ARHGAP4: variants seen among roughly 807,000 people sequenced by gnomAD.
ARHGAP4 encodes the protein Rho GTPase activating protein 4, also known as rho GTPase-activating protein 4.
In ARHGAP4, 25 loss-of-function variants were observed where a neutral mutation model predicts 67.6. That is an observed-to-expected ratio of 0.37 (90% CI 0.27 to 0.52). ARHGAP4 has a LOEUF of 0.52. Among genes scored for constraint, ARHGAP4 ranks in the 20% least tolerant of loss-of-function variants. The pLI, the probability that ARHGAP4 is intolerant of heterozygous loss-of-function variation, is 0.92. For missense variants in ARHGAP4, 804 were observed against 854.6 expected (o/e 0.94, Z 0.74); for synonymous variants, 448 against 373.7 (o/e 1.20, Z -2.29).
Position 153,910,732 on chromosome X carries a change from G to A in ARHGAP4, c.1784C>T (p.Pro595Leu), listed in dbSNP as rs368873746. Residue 595 changes from proline to leucine, a missense_variant, in exon 15 of 22, where the codon CCA becomes CTA. By Grantham distance (98) the Pro-to-Leu change is moderately conservative. Coordinates refer to ENST00000350060, the MANE Select transcript of ARHGAP4 (RefSeq NM_001666.5). ...AGCCAGCAGCTCGCCGAACAGGTCT[G>A]GGGGGAAGAGTGGGGGCTCCAGGCT... ...FRSLEPPLFPPDLFGELLASS... is the reference protein window; with the variant it reads ...FRSLEPPLFPLDLFGELLASS... 1.5e-5 allele frequency: 18 copies of A among 1,192,437 alleles called. No homozygotes were observed. The East Asian group carries it at 2.4e-4, about 16-fold the overall frequency.
Position 153,909,157 on chromosome X carries a change from G to A in ARHGAP4, c.2520C>T (p.Cys840=), listed in dbSNP as rs782124817. The A allele has an allele frequency of 4.1e-5, 50 of 1,207,003 alleles. 2 individuals are homozygous for A. In the Middle Eastern group the frequency reaches 6.9e-4, roughly 17 times the overall value. ...AGGGTCCCATGGCCTCAGGTGAGGTGCATGGCTCTGGCCTGCAGGACAGAC... is the reference window on the plus strand; with the variant it reads ...AGGGTCCCATGGCCTCAGGTGAGGTACATGGCTCTGGCCTGCAGGACAGAC... The part of the protein sequence containing the change: ...ASELVHRPEP[C]TSPEAMGPSG... The change falls in exon 21 of 22, where the codon TGC becomes TGT. Residue 840 remains cysteine (C), a synonymous_variant. Coordinates refer to ENST00000350060, the MANE Select transcript of ARHGAP4 (RefSeq NM_001666.5).
Position 153,910,411 on chromosome X carries a change from G to A in ARHGAP4, c.1923-7C>T, listed in dbSNP as rs782552018. The stretch of plus-strand genomic sequence containing the variant: ...ATCGCTGTACTGGGCCAGGCTGGGG[G>A]GACACGCACATCACAAGCAGAGAGC... On this transcript the variant is annotated splice_region_variant and splice_polypyrimidine_tract_variant and intron_variant, in intron 16 of 21. Coordinates refer to ENST00000350060, the MANE Select transcript of ARHGAP4 (RefSeq NM_001666.5). 1.8e-5 allele frequency: 21 copies of A among 1,190,820 alleles called. No homozygotes were observed. The highest frequency in any genetic ancestry group is 5.5e-5 in the South Asian group (3 of 54,436).
rs782117761 is a variant in ARHGAP4 at position 153,909,752 on chromosome X, C to T, written c.2403G>A (p.Thr801=). 7.6e-6 allele frequency: 9 copies of T among 1,191,280 alleles called. No individual in the cohort carries two copies. The highest frequency in any genetic ancestry group is 7.4e-5 in the South Asian group (4 of 53,830). The change falls in exon 19 of 22, where the codon ACG becomes ACA. Residue 801 remains threonine, a synonymous_variant. Coordinates refer to ENST00000350060, the MANE Select transcript of ARHGAP4 (RefSeq NM_001666.5). ...MRGLIPHKYI[T]LPAGTEKQVV... ...CGCGGCTCACTCACCCGGCGGGCAGCGTGATATACTTGTGGGGGATGAGGC... is the reference window on the plus strand; with the variant it reads ...CGCGGCTCACTCACCCGGCGGGCAGTGTGATATACTTGTGGGGGATGAGGC...
chrX:153,921,206 C>A, intron 3 of ARHGAP4, 47 bp from the exon 4 acceptor site: 1 of 1,182,566 alleles, frequency 8.5e-7, no homozygotes, highest in Admixed American at 2.3e-5. Context: ...AGAGCGGCCC[C>A]GCCAGGCACT....
intron 1 of ARHGAP4, chrX:153,922,059 G>T: frequency 1.0e-6 from 1 of 996,521 alleles, no homozygotes; most frequent in Non-Finnish European, 1.3e-6. Context: ...GAGCCACCCG[G>T]TTGAGGGGGA....
chrX:153,919,042 T>A lies in ARHGAP4; in HGVS notation c.822A>T (p.Thr274=). The change falls in exon 7 of 22, where the codon ACA becomes ACT. Residue 274 remains threonine (T), a synonymous_variant. Transcript: ENST00000350060. ...DVLDLMDCCD[T]GFHLALGQVL... Reference sequence around the variant, plus strand: ...CCTGCCCCAGGGCCAGGTGGAACCCTGTGTCACAGCACTGAGGAGGAAACA... The same window carrying A: ...CCTGCCCCAGGGCCAGGTGGAACCCAGTGTCACAGCACTGAGGAGGAAACA... 2.5e-6 allele frequency: 3 copies of A among 1,211,354 alleles called. No homozygotes were observed. The highest frequency in any genetic ancestry group is 3.4e-6 in the Non-Finnish European group (3 of 895,240).
chrX:153,920,378 C>T, intron 5 of ARHGAP4: 1 of 394,831 alleles, frequency 2.5e-6, no homozygotes, highest in Non-Finnish European at 4.4e-6. Context: ...GCTGGCAGAA[C>T]AGCAGAGCTG....
Position 153,907,773 on chromosome X carries a change from C to G in ARHGAP4, c.2797G>C (p.Ala933Pro). The G allele has an allele frequency of 4.0e-6, 4 of 1,011,363 alleles. No homozygotes were observed. The highest frequency in any genetic ancestry group is 5.1e-6 in the Non-Finnish European group (4 of 789,151). 83.3% of individuals were successfully genotyped at this position (1,011,363 alleles called of 1,213,427 possible). ...GTGTCTAGGCCCTGGGGGTGGGAAG[C>G]TGAGGGTGAGGCTGGGGCCCCAGGG... ...RGPGAPASPS[A>P]SHPQGLDTTP... Residue 933 changes from alanine (A) to proline (P), a missense_variant, in exon 22 of 22, where the codon GCT (alanine) becomes CCT (proline). This residue lies in a region of ARHGAP4 where 400 missense variants were observed against 348.7 expected (regional missense o/e 1.15). Coordinates refer to ENST00000350060, the MANE Select transcript of ARHGAP4 (RefSeq NM_001666.5).
rs1557102006 is a variant in ARHGAP4, at chrX:153,909,105, G to A, written c.2572C>T (p.Pro858Ser). The change falls in exon 21 of 22, where the codon CCA (proline) becomes TCA (serine). Residue 858 changes from proline (P) to serine (S), a missense_variant. Pro to Ser is a moderately conservative substitution (Grantham distance 74, BLOSUM62 -1). Around this residue, in one of 2 missense-constraint regions of ARHGAP4, gnomAD observed 400 missense variants for 348.7 expected, o/e 1.15. Transcript: ENST00000350060. ...TCCACGTGTTGCTCTGGGGAGGCTG[G>A]GACCAAGCAGCGTCGTCTGTGTCCA... is the stretch of plus-strand genomic sequence containing the variant. ...PSGHRRRCLV[P>S]ASPEQHVEVD... 1.7e-6 allele frequency: 2 copies of A among 1,211,705 alleles called. No homozygotes were observed. The highest frequency in any genetic ancestry group is 3.5e-5 in the South Asian group (2 of 57,010).
Position 153,921,822 on chromosome X carries a change from C to T in ARHGAP4, c.68-13G>A. 8.5e-7 allele frequency: 1 copy of T among 1,177,197 alleles called. No homozygotes were observed. Among genetic ancestry groups the T allele is most frequent in the Non-Finnish European group, 1.1e-6 (1 of 880,613 alleles). On this transcript the variant is annotated splice_polypyrimidine_tract_variant and intron_variant, in intron 1 of 21. Coordinates refer to ENST00000350060, the MANE Select transcript of ARHGAP4 (RefSeq NM_001666.5). The stretch of plus-strand genomic sequence containing the variant: ...TGCCAGCGCATCTCTGTGGGGGGAA[C>T]CATGGCTCAGGCCTGGTCAGCACGC...
At chrX:153,913,384 C>T (rs781917279) in intron 9 of ARHGAP4, 25 bp downstream of exon 9, 5 of 1,206,950 alleles carry the variant, frequency 4.1e-6, no homozygotes, top group South Asian at 1.8e-5. Context: ...CCACGGGTCC[C>T]GCCCACCAGC....
rs369331728 is a variant in ARHGAP4, at chrX:153,909,186, G to T, written c.2508-17C>A. The T allele has an allele frequency of 4.7e-5, 55 of 1,181,430 alleles. No individual in the cohort carries two copies. The highest frequency in any genetic ancestry group is 5.9e-5 in the Non-Finnish European group (52 of 876,146). ...GGCTCTGGCCTGCAGGACAGACAGG[G>T]AGCCTGGTGGGGGCCCTGGGAAGTC... On this transcript the variant is annotated splice_polypyrimidine_tract_variant and intron_variant, in intron 20 of 21. Coordinates refer to ENST00000350060, the MANE Select transcript of ARHGAP4 (RefSeq NM_001666.5).
chrX:153,917,207 G>C (rs4898461), intron 7 of ARHGAP4, among the ~76,000 whole-genome samples: 35,470 of 107,620 alleles, frequency 0.33, 5,507 homozygotes, highest in East Asian at 0.69. Context: ...CAGAGAAAGA[G>C]TCTGTCTCAA....
intron 1 of ARHGAP4, 101 bp from the exon 2 acceptor site, chrX:153,921,910 C>T (rs1041973340): frequency 3.3e-5 from 33 of 999,609 alleles, no homozygotes; most frequent in Non-Finnish European, 4.4e-5. Context: ...ACCCCAGTCC[C>T]GTCGGCTCTG....
intron 4 of ARHGAP4, 140 bp downstream of exon 4, chrX:153,920,957 G>C (rs1557105146): frequency 7.1e-6 from 6 of 839,532 alleles, no homozygotes; most frequent in Non-Finnish European, 9.5e-6. Flanking sequence ...CCTAGGGAGA[G>C]AGGCCTTTGC....
Position 153,909,540 on chromosome X carries a change from G to T in ARHGAP4, c.2415-5C>A, listed in dbSNP as rs1391237838. 8.3e-7 allele frequency: 1 copy of T among 1,199,699 alleles called. No homozygotes were observed. The highest frequency in any genetic ancestry group is 2.2e-5 in the Admixed American group (1 of 44,733). ...CCCACCACCTGCTTCTCCGTCCTGC[G>T]GTGGGAAGGACCGGCCTGTTTCGAG... is the stretch of plus-strand genomic sequence containing the variant. On this transcript the variant is annotated splice_region_variant and splice_polypyrimidine_tract_variant and intron_variant, in intron 19 of 21. Transcript: ENST00000350060.
At position 153,921,653 on chromosome X, in the gene ARHGAP4, G is replaced by C. The variant is rs781894084; in HGVS notation, c.224C>G (p.Ser75Cys). The C allele has an allele frequency of 5.0e-6, 6 of 1,208,789 alleles. No individual in the cohort carries two copies. Among genetic ancestry groups the C allele is most frequent in the Non-Finnish European group, 6.7e-6 (6 of 894,666 alleles). The change falls in exon 2 of 22, where the codon TCC becomes TGC. Residue 75 changes from serine to cysteine, a missense_variant. Ser to Cys is a moderately radical substitution (Grantham distance 112). This residue lies in a region of ARHGAP4 where 404 missense variants were observed against 505.9 expected (regional missense o/e 0.80). Coordinates refer to ENST00000350060, the MANE Select transcript of ARHGAP4 (RefSeq NM_001666.5). ...GCTCCCCAGGCGGCCTCCACGGCTG[G>C]AGAAGCGCTCGGCCAGCTTTTCCAG... is the stretch of plus-strand genomic sequence containing the variant. ...RGLEKLAERF[S>C]SRGGRLGSSR...
rs138254071 is a variant in ARHGAP4, at chrX:153,910,250, G to C, written c.2077C>G (p.Arg693Gly). The change falls in exon 17 of 22, where the codon CGG (arginine) becomes GGG (glycine). Residue 693 changes from arginine (R) to glycine (G), a missense_variant. Physicochemically the swap from Arg to Gly is moderately radical, Grantham distance 125. Around this residue, in one of 2 missense-constraint regions of ARHGAP4, gnomAD observed 400 missense variants for 348.7 expected, o/e 1.15. Coordinates refer to ENST00000350060, the MANE Select transcript of ARHGAP4 (RefSeq NM_001666.5). Reference sequence around the variant, plus strand: ...AGCGAGGTCAGGGGCGGGAAGACCCGATCGGGCTGCACTATGAGCGTCTGC... The same window carrying C: ...AGCGAGGTCAGGGGCGGGAAGACCCCATCGGGCTGCACTATGAGCGTCTGC... ...LVQTLIVQPD[R>G]VFPPLTSLPG... The C allele has an allele frequency of 2.1e-5, 26 of 1,210,523 alleles. No homozygotes were observed. Among genetic ancestry groups the C allele is most frequent in the Non-Finnish European group, 2.9e-5 (26 of 895,203 alleles).
chrX:153,910,136 A>G, intron 17 of ARHGAP4, 35 bp downstream of exon 17: 2 of 1,207,211 alleles, frequency 1.7e-6, no homozygotes, highest in East Asian at 3.0e-5. Context: ...TCTCCAGTGG[A>G]CCCCCCAGTC....
Sources: allele counts gnomAD v4.1 joint callset (sites outside exome capture counted in the v4.1 genomes callset), GRCh38; gene constraint gnomAD v4.1.1; regional missense constraint gnomAD v4.1.1; transcripts MANE v1.5; gene names NCBI Gene and HGNC (gene_info 2026-07-23, HGNC 2026-07-21).